CFAP91: variants seen among roughly 807,000 people sequenced by gnomAD.
CFAP91 encodes cilia and flagella associated protein 91.
A neutral mutation model predicts 95.9 loss-of-function variants in CFAP91; 85 were observed. The ratio of observed to expected loss-of-function variants is 0.89; its 90% CI spans 0.74 to 1.06. The LOEUF is 1.06. CFAP91 is among the 50% of genes least tolerant of loss of function. The probability of loss-of-function intolerance (pLI) is 0.00; values close to 1 mark genes in which losing one functional copy is unlikely to be tolerated. For missense variants in CFAP91, 962 were observed against 943.4 expected, an observed-to-expected ratio of 1.02 and a Z score of -0.26; for synonymous variants, 335 against 327.5, an observed-to-expected ratio of 1.02 and a Z score of -0.25.
At chr3:119,704,972 G>T (rs772403187) in intron 1 of CFAP91, among the ~76,000 whole-genome samples, 3 of 152,138 alleles carry the variant, frequency 2.0e-5, no homozygotes, top group Admixed American at 6.5e-5. Context: ...TGTGGAGTAG[G>T]CTATACCAGC....
chr3:119,722,560 C>T (rs1053444167), intron 6 of CFAP91, among the ~76,000 whole-genome samples: 3 of 152,096 alleles, frequency 2.0e-5, no homozygotes, highest in Non-Finnish European at 2.9e-5. Flanking sequence ...GTGATCATAG[C>T]TCACTGCAGC....
At chr3:119,760,858 T>C (rs1292735312) in intron 17 of CFAP91, among the ~76,000 whole-genome samples, 2 of 150,794 alleles carry the variant, frequency 1.3e-5, no homozygotes, top group Non-Finnish European at 3.0e-5. Context: ...GACATAGTTA[T>C]GGGATGCAAC....
At chr3:119,753,507 T>A (rs1049980115) in intron 17 of CFAP91, among the ~76,000 whole-genome samples, 2 of 152,216 alleles carry the variant, frequency 1.3e-5, no homozygotes, top group Non-Finnish European at 2.9e-5. Context: ...TTACAGAAAG[T>A]TAACATTATT....
chr3:119,740,245 G>A (rs1318954344), intron 12 of CFAP91, among the ~76,000 whole-genome samples: 1 of 152,254 alleles, frequency 6.6e-6, no homozygotes, highest in Admixed American at 6.5e-5. Flanking sequence ...AGGAGCACAG[G>A]AAATGAGGGG....
chr3:119,737,966 G>C (rs1052852973), intron 11 of CFAP91, among the ~76,000 whole-genome samples: 1 of 152,198 alleles, frequency 6.6e-6, no homozygotes, highest in Non-Finnish European at 1.5e-5. Flanking sequence ...GAGTTGGTTA[G>C]GATTTAGAGG....
chr3:119,732,871 C>T (rs187837239), intron 9 of CFAP91, among the ~76,000 whole-genome samples: 1 of 152,228 alleles, frequency 6.6e-6, no homozygotes, highest in African/African-American at 2.4e-5. Flanking sequence ...GATAAGTTCA[C>T]GGAGAGGACT....
chr3:119,722,865 A>T (rs2053713740), intron 6 of CFAP91, among the ~76,000 whole-genome samples: 1 of 152,172 alleles, frequency 6.6e-6, no homozygotes. Context: ...TGTACAAGGG[A>T]TTTATGGTGA....
chr3:119,754,934 A>C (rs2107918146), intron 17 of CFAP91, among the ~76,000 whole-genome samples: 1 of 152,362 alleles, frequency 6.6e-6, no homozygotes, highest in East Asian at 1.9e-4. Context: ...CTCAAGAATT[A>C]AGATCCAGTG....
intron 17 of CFAP91, among the ~76,000 whole-genome samples, chr3:119,760,224 C>A (rs186615239): frequency 3.3e-5 from 5 of 151,834 alleles, no homozygotes; most frequent in Admixed American, 1.3e-4. Flanking sequence ...CAAAATAGAA[C>A]AAGTGTAGCT....
intron 6 of CFAP91, among the ~76,000 whole-genome samples, chr3:119,723,100 A>G (rs1411477620): frequency 6.6e-6 from 1 of 152,158 alleles, no homozygotes; most frequent in African/African-American, 2.4e-5. Context: ...AAAAGCAACA[A>G]TACTCCCACG....
At chr3:119,739,401 C>T in intron 12 of CFAP91, 75 bp downstream of exon 12, 2 of 1,335,848 alleles carry the variant, frequency 1.5e-6, no homozygotes, top group East Asian at 2.3e-5. Flanking sequence ...GTGCTTGGTT[C>T]CTTGGAGTGA....
intron 16 of CFAP91, 78 bp downstream of exon 16, chr3:119,747,980 A>G: frequency 9.0e-7 from 1 of 1,115,942 alleles, no homozygotes; most frequent in Non-Finnish European, 1.3e-6. Context: ...ATTTAAAATT[A>G]AACAGAGGGA....
At chr3:119,728,004 GATGATGATA>G (rs2053817394) in intron 7 of CFAP91, among the ~76,000 whole-genome samples, 1 of 150,310 alleles carries the variant, frequency 6.7e-6, no homozygotes, top group African/African-American at 2.5e-5. Flanking sequence ...ATATCAGATT[GATGATGATA>G]ATGATGATGA....
intron 13 of CFAP91, 101 bp downstream of exon 13, chr3:119,740,796 AAAAG>A: frequency 7.6e-7 from 1 of 1,317,682 alleles, no homozygotes; most frequent in Non-Finnish European, 1.1e-6. Flanking sequence ...GAAATGATGA[AAAAG>A]AAACAGCCCC....
intron 6 of CFAP91, among the ~76,000 whole-genome samples, chr3:119,724,363 A>G (rs574216063): frequency 1.3e-5 from 2 of 152,268 alleles, no homozygotes; most frequent in Non-Finnish European, 1.5e-5. Context: ...TAAAAGGTAC[A>G]TCGGCTTTAT....
rs758163471 is a variant in CFAP91 at position 119,739,282 on chromosome 3, A to T, written c.1489A>T (p.Ile497Phe). The T allele has an allele frequency of 1.2e-6, 2 of 1,614,130 alleles. No individual in the cohort carries two copies. The highest frequency in any genetic ancestry group is 2.2e-5 in the South Asian group (2 of 91,080). The change falls in exon 12 of 18, where the codon ATC becomes TTC. Residue 497 changes from isoleucine (I) to phenylalanine (F), a missense_variant. Ile to Phe is a conservative substitution (Grantham distance 21). Transcript: ENST00000273390. ...NEEEEMEMAV[I>F]YLQKLLRGRV... Reference sequence around the variant, plus strand: ...AGAAGAAGAAATGGAAATGGCTGTGATCTACCTTCAAAAGTTACTCCGGGG... The same window carrying T: ...AGAAGAAGAAATGGAAATGGCTGTGTTCTACCTTCAAAAGTTACTCCGGGG...
intron 5 of CFAP91, among the ~76,000 whole-genome samples, chr3:119,713,607 G>T (rs919318247): frequency 4.0e-5 from 6 of 151,142 alleles, no homozygotes; most frequent in African/African-American, 1.2e-4. Flanking sequence ...GGCTATATTG[G>T]TTTTTTTCTT....
At chr3:119,714,259 G>C (rs935379437) in intron 5 of CFAP91, among the ~76,000 whole-genome samples, 1 of 151,744 alleles carries the variant, frequency 6.6e-6, no homozygotes, top group South Asian at 2.1e-4. Flanking sequence ...CCAGCTACTC[G>C]GAAGGCTGAG....
At chr3:119,715,795 G>T (rs373510470) in intron 6 of CFAP91, 52 bp downstream of exon 6, 1 of 1,532,660 alleles carries the variant, frequency 6.5e-7, no homozygotes, top group South Asian at 1.1e-5. Context: ...TGATAACCAC[G>T]CATGCTGTTC....
Sources: gnomAD v4.1 joint callset for allele counts (sites outside exome capture counted in the v4.1 genomes callset) on GRCh38, gnomAD v4.1.1 for gene constraint, MANE v1.5 for transcripts, NCBI Gene and HGNC (gene_info 2026-07-23, HGNC 2026-07-21) for gene names.